The following KLHL32 variants were observed in gnomAD, a reference collection of about 807,000 sequenced individuals.
KLHL32 encodes the protein kelch like family member 32, also known as kelch-like protein 32.
A neutral mutation model predicts 64.8 loss-of-function variants in KLHL32; 35 were observed. The ratio of observed to expected loss-of-function variants is 0.54; its 90% CI spans 0.41 to 0.72. The LOEUF (loss-of-function observed/expected upper bound fraction) is 0.72, where lower values mean the gene tolerates loss of function less well. KLHL32 is among the 30% of genes least tolerant of loss of function. The pLI is 0.00. For missense variants in KLHL32, 589 were observed against 768.5 expected (o/e 0.77, Z 2.76); for synonymous variants, 259 against 281.0 (o/e 0.92, Z 0.78).
At chr6:96,982,596 A>G (rs570174042) in intron 3 of KLHL32, among the ~76,000 whole-genome samples, 4 of 152,228 alleles carry the variant, frequency 2.6e-5, no homozygotes, top group South Asian at 4.2e-4. Context: ...GGTCCTTCAC[A>G]TCCCTTGTAA....
intron 6 of KLHL32, among the ~76,000 whole-genome samples, chr6:97,105,239 G>C (rs1011819019): frequency 1.3e-5 from 2 of 152,122 alleles, no homozygotes; most frequent in Non-Finnish European, 2.9e-5. Flanking sequence ...CAAATTAGAA[G>C]ATAAAGAGCA....
chr6:97,065,709 GC>G (rs1789637574), intron 5 of KLHL32, among the ~76,000 whole-genome samples: 1 of 152,132 alleles, frequency 6.6e-6, no homozygotes, highest in African/African-American at 2.4e-5. Flanking sequence ...TTGTTTTCCT[GC>G]CCAATTACTT....
intron 6 of KLHL32, among the ~76,000 whole-genome samples, chr6:97,098,627 A>G (rs1795301516): frequency 6.6e-6 from 1 of 152,242 alleles, no homozygotes. Context: ...AAAATGAATT[A>G]AGTCATTGAA....
At chr6:97,112,539 C>T (rs780948314) in intron 6 of KLHL32, among the ~76,000 whole-genome samples, 4 of 151,766 alleles carry the variant, frequency 2.6e-5, no homozygotes, top group Non-Finnish European at 5.9e-5. Context: ...CTCCACCTCC[C>T]GGGTTCAAGC....
intron 6 of KLHL32, among the ~76,000 whole-genome samples, chr6:97,097,109 A>G (rs535312549): frequency 2.0e-5 from 3 of 152,302 alleles, no homozygotes; most frequent in Admixed American, 2.0e-4. Flanking sequence ...AGTGGTGCTC[A>G]TAAGGGAGGG....
intron 1 of KLHL32, among the ~76,000 whole-genome samples, chr6:96,959,052 T>G (rs747671900): frequency 2.0e-5 from 3 of 152,150 alleles, no homozygotes; most frequent in African/African-American, 7.2e-5. Context: ...TGAAAGCAAC[T>G]TCCCAGAGAA....
rs762068368 is a variant in KLHL32 at position 96,975,979 on chromosome 6, G to C, written c.24-18G>C. On this transcript the variant is annotated intron_variant, in intron 2 of 10. Coordinates refer to ENST00000369261, the MANE Select transcript of KLHL32 (RefSeq NM_052904.4). ...CTGGGAAAAGGAAAAATGTTGACTT[G>C]ATTGCTCTCCTTTGTAGTATTCAAG... 57 of 1,508,030 alleles carry C rather than the reference G, an allele frequency of 3.8e-5. No individual in the cohort carries two copies. In the Admixed American group the frequency reaches 1.2e-3, roughly 31 times the overall value. 93.4% of individuals were successfully genotyped at this position (1,508,030 alleles called of 1,614,324 possible). A position where few individuals can be genotyped will look rare whatever the true frequency, so the allele number is the denominator to read the frequency against.
At chr6:97,010,149 A>AAAG (rs1780199429) in intron 3 of KLHL32, 1 of 149,380 alleles carries the variant, frequency 6.7e-6, no homozygotes, top group African/African-American at 2.5e-5. Context: ...AAAAAAAAAA[A>AAAG]AAGTGAGCAT....
chr6:96,960,304 T>C (rs1224917181), intron 1 of KLHL32, among the ~76,000 whole-genome samples: 2 of 152,166 alleles, frequency 1.3e-5, no homozygotes, highest in Non-Finnish European at 2.9e-5. Context: ...TACTGAACAA[T>C]TCTCGTTTAC....
At chr6:97,110,215 T>C (rs1796935645) in intron 6 of KLHL32, among the ~76,000 whole-genome samples, 1 of 152,208 alleles carries the variant, frequency 6.6e-6, no homozygotes, top group South Asian at 2.1e-4. Context: ...GATATTACCA[T>C]ACATAGATAA....
intron 3 of KLHL32, among the ~76,000 whole-genome samples, chr6:96,996,904 G>T (rs745881313): frequency 6.6e-6 from 1 of 152,098 alleles, no homozygotes. Context: ...GGCATGAAAA[G>T]TGGTTAAGTA....
chr6:97,105,880 G>A (rs2128203049), intron 6 of KLHL32, among the ~76,000 whole-genome samples: 1 of 152,258 alleles, frequency 6.6e-6, no homozygotes, highest in South Asian at 2.1e-4. Flanking sequence ...AAGGGCACTT[G>A]TATTTATATA....
chr6:97,022,467 C>T (rs112448700), intron 3 of KLHL32, among the ~76,000 whole-genome samples: 12,357 of 146,206 alleles, frequency 0.085, 1,576 homozygotes, highest in Admixed American at 0.22. Context: ...GTGATAACAC[C>T]TAATTTTTTT....
Position 96,967,040 on chromosome 6 carries a change from C to G in KLHL32, c.-21C>G. On this transcript the variant is annotated 5_prime_UTR_variant, in exon 2 of 11. Transcript: ENST00000369261. ...CTCTGCACACTTCTAAGGCTGAGAA[C>G]CTGAGGAACCCAGCTGGAAAATGCC... 1 of 1,612,920 alleles carries G rather than the reference C, an allele frequency of 6.2e-7. No individual in the cohort carries two copies. The highest frequency in any genetic ancestry group is 8.5e-7 in the Non-Finnish European group (1 of 1,179,136).
chr6:96,936,554 A>G (rs746724547), intron 1 of KLHL32, among the ~76,000 whole-genome samples: 3 of 152,216 alleles, frequency 2.0e-5, no homozygotes, highest in Non-Finnish European at 4.4e-5. Context: ...CCTTCAAAGT[A>G]TACCCAGAAT....
At chr6:96,934,516 A>G (rs1051368204) in intron 1 of KLHL32, among the ~76,000 whole-genome samples, 13 of 152,252 alleles carry the variant, frequency 8.5e-5, no homozygotes, top group Admixed American at 3.3e-4. Context: ...TACTCAGTGG[A>G]CATTTAAACA....
rs570171478 is a variant in KLHL32, at chr6:96,986,823, G to A, written c.204+10646G>A. ...TTCCCTGACCCCTTGCACTTCCTGG[G>A]TGAGACGATGCCTCGCCCTGCTTCA... On this transcript the variant is annotated intron_variant, in intron 3 of 10. Coordinates refer to ENST00000369261, the MANE Select transcript of KLHL32 (RefSeq NM_052904.4). Among the ~76,000 whole-genome samples, 217 of 152,284 alleles carry A rather than the reference G, an allele frequency of 1.4e-3. 1 individual carries two copies. The highest frequency in any genetic ancestry group is 5.1e-3 in the African/African-American group (214 of 41,568).
intron 4 of KLHL32, among the ~76,000 whole-genome samples, chr6:97,061,240 T>A (rs1280139991): frequency 6.6e-6 from 1 of 152,100 alleles, no homozygotes; most frequent in African/African-American, 2.4e-5. Context: ...AAGCCCCAGC[T>A]CTACAGGTGA....
chr6:96,930,519 G>A (rs1421908144), intron 1 of KLHL32, among the ~76,000 whole-genome samples: 2 of 152,118 alleles, frequency 1.3e-5, no homozygotes, highest in African/African-American at 4.8e-5. Context: ...TTGTTGGTGT[G>A]TAATAAAATC....
Sources: gnomAD v4.1 joint callset for allele counts (sites outside exome capture counted in the v4.1 genomes callset) on GRCh38, gnomAD v4.1.1 for gene constraint, MANE v1.5 for transcripts, NCBI Gene and HGNC (gene_info 2026-07-23, HGNC 2026-07-21) for gene names.